The following GABRA2 variants were observed in gnomAD, a reference collection of about 807,000 sequenced individuals.
GABRA2 encodes gamma-aminobutyric acid receptor subunit alpha-2.
In GABRA2, 16 loss-of-function variants were observed where a neutral mutation model predicts 48.7. The ratio of observed to expected loss-of-function variants is 0.33; its 90% CI spans 0.22 to 0.50. The LOEUF (loss-of-function observed/expected upper bound fraction) is 0.50. Among genes scored for constraint, GABRA2 ranks in the 20% least tolerant of loss-of-function variants. GABRA2 has a pLI of 0.98. For synonymous variants in GABRA2, 185 were observed against 184.5 expected, an observed-to-expected ratio of 1.00 and a Z score of -0.02; for missense variants, 275 against 535.6, an observed-to-expected ratio of 0.51 and a Z score of 4.80.
Position 46,303,628 on chromosome 4 carries a change from A to G in GABRA2, c.704-16T>C. On this transcript the variant is annotated splice_polypyrimidine_tract_variant and intron_variant, in intron 7 of 9. Transcript: ENST00000381620. ...GTATATTCACCTGGAAGAAAAATTTAAGAAGCTCAAGGAGTAATAGTCAAT... is the reference window on the plus strand; with the variant it reads ...GTATATTCACCTGGAAGAAAAATTTGAGAAGCTCAAGGAGTAATAGTCAAT... The G allele has an allele frequency of 6.2e-7, 1 of 1,608,872 alleles. No individual in the cohort carries two copies. The highest frequency in any genetic ancestry group is 8.5e-7 in the Non-Finnish European group (1 of 1,175,516).
chr4:46,316,547 A>G (rs1208015513), intron 4 of GABRA2, among the ~76,000 whole-genome samples: 1 of 151,998 alleles, frequency 6.6e-6, no homozygotes, highest in African/African-American at 2.4e-5. Context: ...CATCTTCAAA[A>G]TAACAAGATA....
chr4:46,355,681 C>G (rs1204781461), intron 3 of GABRA2, among the ~76,000 whole-genome samples: 1 of 152,102 alleles, frequency 6.6e-6, no homozygotes, highest in African/African-American at 2.4e-5. Context: ...ACAGGAACCC[C>G]CAAATAATCA....
At chr4:46,345,528 G>A (rs2109875754) in intron 3 of GABRA2, among the ~76,000 whole-genome samples, 1 of 151,950 alleles carries the variant, frequency 6.6e-6, no homozygotes, top group South Asian at 2.1e-4. Context: ...ATATAACTCA[G>A]CTTTCTCTCC....
chr4:46,265,616 T>A (rs1718066070), intron 8 of GABRA2, among the ~76,000 whole-genome samples: 1 of 151,260 alleles, frequency 6.6e-6, no homozygotes, highest in South Asian at 2.1e-4. Context: ...ATGTTATTGA[T>A]CTGTTCAAGA....
chr4:46,388,095 T>C lies in GABRA2; in HGVS notation c.71+541A>G, dbSNP rs1157147944. 2.0e-5 allele frequency among the ~76,000 whole-genome samples: 3 copies of C among 152,316 alleles called. No individual in the cohort carries two copies. In the East Asian group the frequency reaches 5.8e-4, roughly 29 times the overall value. On this transcript the variant is annotated intron_variant, in intron 2 of 9. Coordinates refer to ENST00000381620, the MANE Select transcript of GABRA2 (RefSeq NM_000807.4). ...AAATCTTAATAATGCAAAAAGTCGA[T>C]GATTAATAAATCTAGCTTTTGTTTC...
Position 46,332,200 on chromosome 4 carries a change from TTTG to T in GABRA2, c.255+412_255+414del, listed in dbSNP as rs1177098078. 3.3e-5 allele frequency among the ~76,000 whole-genome samples: 5 copies of T among 152,150 alleles called. No individual in the cohort carries two copies. The South Asian group carries it at 6.2e-4, about 19-fold the overall frequency. ...TTGCTCAATACCAATCAAAGGGTTT[TTTG>T]TTGTTGTTGTTGTTTTTAAATGTGA... is the stretch of plus-strand genomic sequence containing the variant. On this transcript the variant is annotated intron_variant, in intron 4 of 9. Coordinates refer to ENST00000381620, the MANE Select transcript of GABRA2 (RefSeq NM_000807.4).
intron 3 of GABRA2, chr4:46,365,249 T>C (rs1713860705): frequency 6.6e-6 from 1 of 152,176 alleles, no homozygotes; most frequent in Admixed American, 6.5e-5. Flanking sequence ...CAACTATTCC[T>C]TCTCATTTAA....
intron 3 of GABRA2, among the ~76,000 whole-genome samples, chr4:46,360,426 C>A (rs1257360292): frequency 6.6e-6 from 1 of 152,300 alleles, no homozygotes; most frequent in Middle Eastern, 3.4e-3. Flanking sequence ...TTTCCCTGCA[C>A]AAGCTCTCTC....
chr4:46,388,645 T>C lies in GABRA2; in HGVS notation c.62A>G (p.Asp21Gly), dbSNP rs1362236526. 1 of 1,613,878 alleles carries C rather than the reference T, an allele frequency of 6.2e-7. No individual in the cohort carries two copies. The highest frequency in any genetic ancestry group is 1.3e-5 in the African/African-American group (1 of 74,938). ...QFLLFVFLVW[D>G]PARLVLANIQ... ...ACAATAAATATCTCACCTGGCAGGG[T>C]CCCACACCAAGAAAACAAAAAGCAG... Residue 21 changes from aspartate (D) to glycine (G), a missense_variant, in exon 2 of 10, where the codon GAC becomes GGC. Asp to Gly is a moderately conservative substitution (Grantham distance 94, BLOSUM62 -1). Around this residue, in one of 4 missense-constraint regions of GABRA2, gnomAD observed 39 missense variants for 40.5 expected, o/e 0.96. Coordinates refer to ENST00000381620, the MANE Select transcript of GABRA2 (RefSeq NM_000807.4).
At chr4:46,349,779 T>C (rs1734810836) in intron 3 of GABRA2, among the ~76,000 whole-genome samples, 1 of 151,924 alleles carries the variant, frequency 6.6e-6, no homozygotes, top group South Asian at 2.1e-4. Flanking sequence ...AAAATAAATT[T>C]AGCTTAAAGT....
intron 3 of GABRA2, among the ~76,000 whole-genome samples, chr4:46,375,980 A>G (rs577243174): frequency 6.6e-6 from 1 of 152,212 alleles, no homozygotes; most frequent in Non-Finnish European, 1.5e-5. Flanking sequence ...CTAAACTTCA[A>G]TAGAATGTTC....
chr4:46,281,740 A>T (rs1721577744), intron 8 of GABRA2, among the ~76,000 whole-genome samples: 1 of 152,158 alleles, frequency 6.6e-6, no homozygotes, highest in African/African-American at 2.4e-5. Flanking sequence ...AAAACAGCAA[A>T]TTCCTTCAAG....
chr4:46,347,159 C>T (rs1734278829), intron 3 of GABRA2, among the ~76,000 whole-genome samples: 1 of 151,854 alleles, frequency 6.6e-6, no homozygotes, highest in Non-Finnish European at 1.5e-5. Flanking sequence ...TCAAAATATC[C>T]ATGCCATCAA....
intron 3 of GABRA2, among the ~76,000 whole-genome samples, chr4:46,346,722 C>T (rs1051569386): frequency 6.6e-6 from 1 of 151,100 alleles, no homozygotes; most frequent in South Asian, 2.1e-4. Context: ...ATTTGGGAAT[C>T]CTGAACAAGA....
chr4:46,291,786 TATATAC>T (rs1302740581), intron 8 of GABRA2, among the ~76,000 whole-genome samples: 23 of 150,102 alleles, frequency 1.5e-4, no homozygotes, highest in African/African-American at 5.6e-4. Context: ...CATATATATA[TATATAC>T]ATATACATAT....
intron 8 of GABRA2, among the ~76,000 whole-genome samples, chr4:46,285,746 C>T (rs886327655): frequency 1.3e-4 from 20 of 151,782 alleles, no homozygotes; most frequent in Admixed American, 3.9e-4. Flanking sequence ...ATTATTTGTG[C>T]TCTGAAAATC....
intron 3 of GABRA2, among the ~76,000 whole-genome samples, chr4:46,372,656 G>A (rs1452258986): frequency 1.3e-5 from 2 of 152,082 alleles, no homozygotes; most frequent in Admixed American, 1.3e-4. Context: ...AATGATGAAG[G>A]CTACTATGAT....
chr4:46,255,327 G>T (rs116678721), intron 9 of GABRA2, among the ~76,000 whole-genome samples: 1 of 151,472 alleles, frequency 6.6e-6, no homozygotes, highest in Non-Finnish European at 1.5e-5. Context: ...TACTTTATCA[G>T]ATCAATTGAT....
intron 3 of GABRA2, chr4:46,368,181 T>G (rs1185794996): frequency 1.3e-5 from 2 of 152,228 alleles, no homozygotes; most frequent in East Asian, 3.9e-4. Context: ...GATCGAGAGA[T>G]AAAACTGGAT....
Sources: gnomAD v4.1 joint callset for allele counts (sites outside exome capture counted in the v4.1 genomes callset) on GRCh38, gnomAD v4.1.1 for gene constraint, gnomAD v4.1.1 regional missense constraint, MANE v1.5 for transcripts, NCBI Gene and HGNC (gene_info 2026-07-23, HGNC 2026-07-21) for gene names.